The following TRPA1 variants were observed in gnomAD, a reference collection of about 807,000 sequenced individuals.
TRPA1 encodes ankyrin-like with transmembrane domains 1.
In TRPA1, 129 loss-of-function variants were observed where a neutral mutation model predicts 131.3. The ratio of observed to expected loss-of-function variants is 0.98; its 90% confidence interval spans 0.85 to 1.14. The LOEUF (loss-of-function observed/expected upper bound fraction) is 1.14, where lower values mean the gene tolerates loss of function less well. Among genes scored for constraint, TRPA1 ranks in the 50% most tolerant of loss-of-function variants. The pLI, the probability that TRPA1 is intolerant of heterozygous loss-of-function variation, is 0.00. For synonymous variants in TRPA1, 441 were observed against 451.7 expected, an observed-to-expected ratio of 0.98 and a Z score of 0.30; for missense variants, 1,304 against 1,354.2, an observed-to-expected ratio of 0.96 and a Z score of 0.58.
At chr8:72,029,741 G>C (rs1811740615) in intron 24 of TRPA1, 160 bp downstream of exon 24, 2 of 770,366 alleles carry the variant, frequency 2.6e-6, no homozygotes, top group Admixed American at 2.1e-5. Context: ...TCAGCCACAT[G>C]ATCAGGAGGG....
Position 72,022,810 on chromosome 8 carries a change from G to C in TRPA1, c.*96C>G, listed in dbSNP as rs10086177. Reference sequence around the variant, plus strand: ...ACCATGATTTCACACGCAGCAAAATGAATCATTCTGCTTCTTCCTCACTCT... The same window carrying C: ...ACCATGATTTCACACGCAGCAAAATCAATCATTCTGCTTCTTCCTCACTCT... On this transcript the variant is annotated 3_prime_UTR_variant, in exon 27 of 27. Coordinates refer to ENST00000262209, the MANE Select transcript of TRPA1 (RefSeq NM_007332.3). 694,231 of 1,156,272 alleles carry C rather than the reference G, an allele frequency of 0.6. 213,203 individuals are homozygous for C. Among genetic ancestry groups the C allele is most frequent in the East Asian group, 0.92 (37,881 of 41,208 alleles). 71.6% of individuals were successfully genotyped at this position (1,156,272 alleles called of 1,614,324 possible). A position where few individuals can be genotyped will look rare whatever the true frequency, so the allele number is the denominator to read the frequency against.
At chr8:72,089,206 A>G in the TRPA1 span, among the ~76,000 whole-genome samples, 3 of 152,142 alleles carry the variant, frequency 2.0e-5, no homozygotes, top group African/African-American at 7.2e-5. Context: ...AAAATTTAAA[A>G]TGTTTCCGTG....
rs998445883 is a variant in TRPA1 at position 72,036,464 on chromosome 8, T to C, written c.2386-7A>G. 1.9e-6 allele frequency: 3 copies of C among 1,609,190 alleles called. No individual in the cohort carries two copies. Among genetic ancestry groups the C allele is most frequent in the African/African-American group, 2.7e-5 (2 of 74,898 alleles). ...CCATAAAATAATTCCTTTTCTGGGA[T>C]AGAAAAGAATAAAAAATTACCACAT... On this transcript the variant is annotated splice_polypyrimidine_tract_variant and splice_region_variant and intron_variant, in intron 20 of 26. Coordinates refer to ENST00000262209, the MANE Select transcript of TRPA1 (RefSeq NM_007332.3).
In TRPA1 at chr8:72,035,648, G is replaced by A. The variant is rs76055611; in HGVS notation, c.2555+640C>T. Among the ~76,000 whole-genome samples, 835 of 152,192 alleles carry A rather than the reference G, an allele frequency of 5.5e-3. 5 individuals carry two copies. The highest frequency in any genetic ancestry group is 8.2e-3 in the Non-Finnish European group (559 of 68,000). On this transcript the variant is annotated intron_variant, in intron 21 of 26. Coordinates refer to ENST00000262209, the MANE Select transcript of TRPA1 (RefSeq NM_007332.3). ...CCCGGGAACTCAGGCTTTTTTCCCT[G>A]TCTAGAATTAGATTCTTTGGGCTTA...
chr8:72,036,025 AAAAAAGAAG>A (rs1339052781), intron 21 of TRPA1, among the ~76,000 whole-genome samples: 2 of 149,950 alleles, frequency 1.3e-5, no homozygotes, highest in African/African-American at 4.9e-5. Context: ...AAAAAAAAAA[AAAAAAGAAG>A]AAGAAGAAGA....
intron 10 of TRPA1, among the ~76,000 whole-genome samples, chr8:72,056,583 T>G (rs1479240417): frequency 6.6e-6 from 1 of 152,262 alleles, no homozygotes; most frequent in Admixed American, 6.5e-5. Flanking sequence ...ATTCTTATAT[T>G]TGGCTTTTCC....
intron 14 of TRPA1, among the ~76,000 whole-genome samples, chr8:72,051,134 T>A (rs1025783293): frequency 1.3e-5 from 2 of 152,190 alleles, no homozygotes; most frequent in African/African-American, 4.8e-5. Flanking sequence ...TTTATCTAAA[T>A]GCCATTCAAA....
At chr8:72,050,954 T>A (rs575753350) in intron 14 of TRPA1, 83 bp from the exon 15 acceptor site, 43 of 1,032,354 alleles carry the variant, frequency 4.2e-5, no homozygotes, top group Non-Finnish European at 6.1e-5. Context: ...ATTATTTCTT[T>A]AGGGGAAACC....
At chr8:72,057,519 G>A (rs891573700) in intron 9 of TRPA1, among the ~76,000 whole-genome samples, 198 bp downstream of exon 9, 5 of 152,202 alleles carry the variant, frequency 3.3e-5, no homozygotes, top group Admixed American at 6.5e-5. Context: ...ATCTTTTTAA[G>A]TATGCTCCCT....
At chr8:72,052,786 C>T in intron 13 of TRPA1, 21 bp from the exon 14 acceptor site, 1 of 1,611,704 alleles carries the variant, frequency 6.2e-7, no homozygotes, top group Non-Finnish European at 8.5e-7. Flanking sequence ...AAAACAGACA[C>T]AGAAAACGTG....
chr8:72,069,903 C>T (rs2129436624), intron 2 of TRPA1, among the ~76,000 whole-genome samples: 1 of 152,158 alleles, frequency 6.6e-6, no homozygotes, highest in East Asian at 1.9e-4. Flanking sequence ...AGTGCCTGGC[C>T]TGTAGCAATG....
intron 21 of TRPA1, among the ~76,000 whole-genome samples, 160 bp downstream of exon 21, chr8:72,036,128 A>G (rs1812041938): frequency 6.6e-6 from 1 of 152,094 alleles, no homozygotes; most frequent in Non-Finnish European, 1.5e-5. Flanking sequence ...CTCTGGAACC[A>G]TGCTCCAGCC....
At chr8:72,077,894 A>G (rs187137544), upstream of TRPA1, among the ~76,000 whole-genome samples, 1 of 152,200 alleles carries the variant, frequency 6.6e-6, no homozygotes, top group East Asian at 1.9e-4. Flanking sequence ...ATACTCTTAA[A>G]ATGATACTTA....
At chr8:72,044,107 A>G (rs1458674443) in intron 17 of TRPA1, among the ~76,000 whole-genome samples, 1 of 151,658 alleles carries the variant, frequency 6.6e-6, no homozygotes, top group Non-Finnish European at 1.5e-5. Context: ...ATATATTTAT[A>G]TACAATAGTC....
intron 7 of TRPA1, among the ~76,000 whole-genome samples, chr8:72,061,167 C>G (rs923538239): frequency 2.0e-5 from 3 of 152,106 alleles, no homozygotes; most frequent in African/African-American, 7.2e-5. Context: ...GTTATAATTT[C>G]CTAAAACTAT....
At chr8:72,064,264 AATAT>A (rs10554779) in intron 4 of TRPA1, among the ~76,000 whole-genome samples, 16 of 147,844 alleles carry the variant, frequency 1.1e-4, no homozygotes, top group South Asian at 2.1e-4. Context: ...ATATATATAT[AATAT>A]ATATATATAT....
intron 17 of TRPA1, among the ~76,000 whole-genome samples, chr8:72,044,403 G>C (rs1041315264): frequency 1.4e-4 from 21 of 151,914 alleles, no homozygotes; most frequent in Non-Finnish European, 8.8e-5. Flanking sequence ...AACACACACA[G>C]ATACTTGTTT....
At chr8:72,029,733 A>G in intron 24 of TRPA1, 168 bp downstream of exon 24, 1 of 734,520 alleles carries the variant, frequency 1.4e-6, no homozygotes, top group Non-Finnish European at 2.4e-6. Flanking sequence ...GAACCCAGTC[A>G]GCCACATGAT....
upstream of TRPA1, among the ~76,000 whole-genome samples, chr8:72,075,854 ATGTGAG>A (rs1396029423): frequency 4.8e-5 from 4 of 83,148 alleles, no homozygotes; most frequent in Admixed American, 4.5e-4. Flanking sequence ...CCAACCTTGC[ATGTGAG>A]TGTGTGTGTG....
Sources: gnomAD v4.1 joint callset for allele counts (sites outside exome capture counted in the v4.1 genomes callset) on GRCh38, gnomAD v4.1.1 for gene constraint, MANE v1.5 for transcripts, NCBI Gene and HGNC (gene_info 2026-07-23, HGNC 2026-07-21) for gene names.